Variants in KIF26B observed in about 807,000 individuals in gnomAD.
The protein encoded by KIF26B is kinesin family member 26B.
In KIF26B, 63 loss-of-function variants were observed where a neutral mutation model predicts 151.2. The ratio of observed to expected loss-of-function variants is 0.42; its 90% CI spans 0.34 to 0.51. KIF26B has a LOEUF of 0.51. Among genes scored for constraint, KIF26B ranks in the 20% least tolerant of loss-of-function variants. The pLI, the probability that KIF26B is intolerant of heterozygous loss-of-function variation, is 0.07. For missense variants in KIF26B, 2,813 were observed against 2,913.6 expected, an observed-to-expected ratio of 0.97 and a Z score of 0.79; for synonymous variants, 1,357 against 1,262.1, an observed-to-expected ratio of 1.08 and a Z score of -1.59.
At chr1:245,401,932 A>C (rs1419780878) in intron 3 of KIF26B, among the ~76,000 whole-genome samples, 1 of 152,052 alleles carries the variant, frequency 6.6e-6, no homozygotes, top group Non-Finnish European at 1.5e-5. Context: ...AAACCCCCGA[A>C]ACAGCAACAA....
chr1:245,401,134 G>A (rs559336379), intron 3 of KIF26B, among the ~76,000 whole-genome samples: 4 of 152,256 alleles, frequency 2.6e-5, no homozygotes, highest in East Asian at 1.9e-4. Flanking sequence ...CTTCAAAAGC[G>A]ACTTGTTTTT....
intron 2 of KIF26B, among the ~76,000 whole-genome samples, chr1:245,237,009 G>A (rs1053815625): frequency 1.3e-5 from 2 of 152,226 alleles, no homozygotes. Flanking sequence ...TCTGGTCCGT[G>A]TGATCACAAA....
intron 4 of KIF26B, among the ~76,000 whole-genome samples, chr1:245,444,116 A>G (rs3038173): frequency 1.4e-5 from 1 of 71,200 alleles, no homozygotes; most frequent in African/African-American, 3.7e-5. Flanking sequence ...CTGTTCACCT[A>G]GAGCGGTCAT....
chr1:245,514,251 G>A (rs1660901280), intron 4 of KIF26B, among the ~76,000 whole-genome samples: 1 of 152,102 alleles, frequency 6.6e-6, no homozygotes, highest in Non-Finnish European at 1.5e-5. Flanking sequence ...ATAAGTCCAG[G>A]CGCAGTGGCT....
At chr1:245,195,955 G>C (rs953271187) in intron 2 of KIF26B, among the ~76,000 whole-genome samples, 2 of 152,168 alleles carry the variant, frequency 1.3e-5, no homozygotes, top group African/African-American at 4.8e-5. Context: ...AGGAGCCAAG[G>C]AGAGTAATCA....
At chr1:245,255,451 A>G (rs572928267) in intron 2 of KIF26B, among the ~76,000 whole-genome samples, 132 of 152,350 alleles carry the variant, frequency 8.7e-4, no homozygotes, top group African/African-American at 3.1e-3. Flanking sequence ...TTGAAATCAG[A>G]AACATGGTCA....
chr1:245,640,160 T>TATAC (rs796722836), intron 9 of KIF26B, among the ~76,000 whole-genome samples: 18 of 54,844 alleles, frequency 3.3e-4, no homozygotes, highest in East Asian at 1.0e-3. Context: ...TATATATATA[T>TATAC]ACCCTGCTAT....
intron 2 of KIF26B, among the ~76,000 whole-genome samples, chr1:245,287,492 CTCTCTCTTTTTTTT>C (rs1414024150): frequency 1.5e-5 from 2 of 136,550 alleles, no homozygotes; most frequent in African/African-American, 5.6e-5. Flanking sequence ...TCTCATCTCT[CTCTCTCTTTTTTTT>C]TTTTTTTTTT....
chr1:245,233,084 C>T (rs775259090), intron 2 of KIF26B, among the ~76,000 whole-genome samples: 3 of 152,156 alleles, frequency 2.0e-5, no homozygotes, highest in Non-Finnish European at 2.9e-5. Flanking sequence ...TGGAAACTAA[C>T]GGGATTACAG....
chr1:245,662,569 C>CACA (rs58948986), intron 10 of KIF26B, among the ~76,000 whole-genome samples: 2 of 95,262 alleles, frequency 2.1e-5, no homozygotes, highest in Admixed American at 2.3e-4. Context: ...TATACACACA[C>CACA]CCTATATATA....
chr1:245,691,427 C>T (rs1032641145), intron 12 of KIF26B, among the ~76,000 whole-genome samples: 5 of 152,222 alleles, frequency 3.3e-5, no homozygotes, highest in African/African-American at 1.2e-4. Context: ...GAGCAGAAGA[C>T]CTTTGTGATG....
chr1:245,249,294 T>A (rs1670395126), intron 2 of KIF26B, among the ~76,000 whole-genome samples: 1 of 151,276 alleles, frequency 6.6e-6, no homozygotes, highest in African/African-American at 2.4e-5. Flanking sequence ...AGAGACAGGG[T>A]TTCACTGTGT....
rs1157253742 is a variant in KIF26B at position 245,601,753 on chromosome 1, G to A, written c.1351-824G>A. On this transcript the variant is annotated intron_variant, in intron 5 of 14. Coordinates refer to ENST00000407071, the MANE Select transcript of KIF26B (RefSeq NM_018012.4). The surrounding 1 kb of genome is among the most constrained non-coding windows in gnomAD (Gnocchi z 4.4). ...AGAGCAAATGCTGTCCCTTTTCCCAGGACTGTAGCTTCCAGACCCGTGTGA... is the reference window on the plus strand; with the variant it reads ...AGAGCAAATGCTGTCCCTTTTCCCAAGACTGTAGCTTCCAGACCCGTGTGA... Among the ~76,000 whole-genome samples the A allele has an allele frequency of 2.0e-5, 3 of 152,160 alleles. No homozygotes were observed. Among genetic ancestry groups the A allele is most frequent in the Non-Finnish European group, 2.9e-5 (2 of 68,042 alleles).
intron 4 of KIF26B, among the ~76,000 whole-genome samples, chr1:245,490,218 A>G (rs751723869): frequency 2.6e-5 from 4 of 151,994 alleles, no homozygotes; most frequent in Non-Finnish European, 4.4e-5. Flanking sequence ...TGTTGAAATT[A>G]GACTTACTAG....
At chr1:245,445,843 G>A (rs755624228) in intron 4 of KIF26B, among the ~76,000 whole-genome samples, 1 of 152,052 alleles carries the variant, frequency 6.6e-6, no homozygotes, top group Non-Finnish European at 1.5e-5. Context: ...CCAGTCACAG[G>A]GCCCCCAGCA....
chr1:245,306,636 T>C (rs1671543555), intron 2 of KIF26B, among the ~76,000 whole-genome samples: 1 of 152,190 alleles, frequency 6.6e-6, no homozygotes, highest in African/African-American at 2.4e-5. Context: ...CTTTTATTTA[T>C]ATGGAATCCT....
intron 2 of KIF26B, among the ~76,000 whole-genome samples, chr1:245,274,687 CAT>C (rs1477492794): frequency 1.3e-5 from 2 of 152,188 alleles, no homozygotes; most frequent in African/African-American, 2.4e-5. Context: ...CCGCAATAAA[CAT>C]ATGTGTGCAT....
chr1:245,211,883 G>GT (rs1669541357), intron 2 of KIF26B, among the ~76,000 whole-genome samples: 1 of 152,168 alleles, frequency 6.6e-6, no homozygotes, highest in African/African-American at 2.4e-5. Flanking sequence ...GCACCGCACC[G>GT]TATCAAATGC....
chr1:245,636,294 C>A (rs1326767048), intron 9 of KIF26B, among the ~76,000 whole-genome samples: 2 of 151,828 alleles, frequency 1.3e-5, no homozygotes, highest in African/African-American at 4.8e-5. Context: ...ACATGAGCCA[C>A]ATAAATTTTT....
Sources: allele counts gnomAD v4.1 joint callset (sites outside exome capture counted in the v4.1 genomes callset), GRCh38; gene constraint gnomAD v4.1.1; non-coding constraint Gnocchi (gnomAD v3.1); transcripts MANE v1.5; gene names NCBI Gene and HGNC (gene_info 2026-07-23, HGNC 2026-07-21).